Variants in BYSL observed in about 807,000 individuals in gnomAD.
BYSL encodes the protein bystin.
BYSL carries 21 observed loss-of-function variants against 45.4 expected under a neutral mutation model. That is an observed-to-expected ratio of 0.46 (90% CI 0.33 to 0.67). The LOEUF is 0.67. Among genes scored for constraint, BYSL ranks in the 30% least tolerant of loss-of-function variants. BYSL has a pLI of 0.02. For missense variants in BYSL, 522 were observed against 578.5 expected (o/e 0.90, Z 1.00); for synonymous variants, 215 against 231.3 (o/e 0.93, Z 0.64).
At chr6:41,923,937 G>A (rs1775527941) in intron 1 of BYSL, among the ~76,000 whole-genome samples, 1 of 152,108 alleles carries the variant, frequency 6.6e-6, no homozygotes, top group Admixed American at 6.6e-5. Context: ...CTCTGGGATA[G>A]TTTGTTCTCA....
intron 1 of BYSL, among the ~76,000 whole-genome samples, chr6:41,925,312 G>T (rs1775547291): frequency 6.6e-6 from 1 of 151,950 alleles, no homozygotes; most frequent in Admixed American, 6.6e-5. Flanking sequence ...CTTTCCAGAT[G>T]CCCAGACATG....
At chr6:41,911,106 C>CA in the BYSL span, among the ~76,000 whole-genome samples, 186 of 111,728 alleles carry the variant, frequency 1.7e-3, no homozygotes, top group East Asian at 3.2e-3. Context: ...GACTCCATCT[C>CA]AAAAAAAAAA....
chr6:41,919,477 G>GA (rs200692594), upstream of BYSL, among the ~76,000 whole-genome samples: 1,645 of 152,200 alleles, frequency 0.011, 19 homozygotes, highest in South Asian at 0.045. Context: ...TACTCTATCA[G>GA]AAAAAAACAC....
intron 1 of BYSL, among the ~76,000 whole-genome samples, chr6:41,925,115 A>G (rs575661567): frequency 6.6e-6 from 1 of 152,292 alleles, no homozygotes; most frequent in African/African-American, 2.4e-5. Flanking sequence ...AGCAGCTTAC[A>G]GGAGACACCT....
chr6:41,914,967 G>T, the BYSL span, among the ~76,000 whole-genome samples: 10 of 152,288 alleles, frequency 6.6e-5, no homozygotes, highest in East Asian at 1.9e-3. Context: ...AGTGCATAAG[G>T]ATTGTCTGGA....
upstream of BYSL, chr6:41,917,867 C>CT (rs1775355868): frequency 2.3e-6 from 1 of 437,496 alleles, no homozygotes; most frequent in African/African-American, 2.0e-5. Context: ...GTATTGGACA[C>CT]TGTTGTTAGA....
chr6:41,925,254 A>G (rs935880161), intron 1 of BYSL, among the ~76,000 whole-genome samples: 1 of 152,018 alleles, frequency 6.6e-6, no homozygotes, highest in African/African-American at 2.4e-5. Context: ...GTTGTTAATG[A>G]CCTATTGATA....
the BYSL span, among the ~76,000 whole-genome samples, chr6:41,910,780 T>A: frequency 2.6e-5 from 4 of 151,512 alleles, no homozygotes; most frequent in Admixed American, 1.3e-4. Context: ...GCTTCAGAGA[T>A]GTACAAGCAG....
rs1398088853 is a variant in BYSL at position 41,931,506 on chromosome 6, T to C, written c.815T>C (p.Leu272Pro). Reference protein sequence around the residue: ...VAEYKRLNFHLYMALKKALFK... With the variant: ...VAEYKRLNFHPYMALKKALFK... ...GAATACAAACGACTCAACTTCCATCTCTACATGGCTCTCAAGAAGGCCCTT... is the reference window on the plus strand; with the variant it reads ...GAATACAAACGACTCAACTTCCATCCCTACATGGCTCTCAAGAAGGCCCTT... Residue 272 changes from leucine to proline, a missense_variant, in exon 5 of 7, where the codon CTC becomes CCC. Physicochemically the swap from Leu to Pro is moderately conservative, Grantham distance 98. Transcript: ENST00000230340. The C allele has an allele frequency of 1.9e-6, 3 of 1,614,136 alleles. No homozygotes were observed. Among genetic ancestry groups the C allele is most frequent in the Non-Finnish European group, 2.5e-6 (3 of 1,180,042 alleles).
chr6:41,912,051 TTC>T, the BYSL span, among the ~76,000 whole-genome samples: 3 of 149,524 alleles, frequency 2.0e-5, no homozygotes, highest in African/African-American at 7.5e-5. Context: ...TTTCCTTTTC[TTC>T]TTTTTTTTTT....
At chr6:41,915,811 CACAT>C in the BYSL span, among the ~76,000 whole-genome samples, 1 of 152,076 alleles carries the variant, frequency 6.6e-6, no homozygotes, top group Non-Finnish European at 1.5e-5. Context: ...CATAAATACT[CACAT>C]ACAAAGAAAT....
chr6:41,917,434 A>C (rs760695939), upstream of BYSL: 3 of 191,972 alleles, frequency 1.6e-5, no homozygotes, highest in Non-Finnish European at 3.4e-5. Flanking sequence ...AGTCAAGTGC[A>C]GTAGTTAGAG....
chr6:41,914,712 C>G, the BYSL span, among the ~76,000 whole-genome samples: 3 of 151,334 alleles, frequency 2.0e-5, no homozygotes, highest in East Asian at 5.8e-4. Context: ...GAGACTCTCA[C>G]TCTAAAAAGA....
intron 6 of BYSL, 76 bp downstream of exon 6, chr6:41,931,906 C>A: frequency 7.2e-7 from 1 of 1,386,524 alleles, no homozygotes; most frequent in Non-Finnish European, 1.0e-6. Context: ...TGGGAATGGG[C>A]AGAGTGGAGA....
chr6:41,925,464 C>T (rs185211243), intron 1 of BYSL, among the ~76,000 whole-genome samples: 2,627 of 150,046 alleles, frequency 0.018, 56 homozygotes, highest in African/African-American at 0.054. Context: ...CCCGGGTTCA[C>T]ACCATTCTCC....
chr6:41,909,563 C>G, the BYSL span: 2 of 1,602,826 alleles, frequency 1.2e-6, no homozygotes, highest in Non-Finnish European at 1.7e-6. Flanking sequence ...AAGACTTTCA[C>G]TGGCAAACCC....
At chr6:41,925,890 TAGTC>T (rs975432001) in intron 1 of BYSL, among the ~76,000 whole-genome samples, 2 of 151,996 alleles carry the variant, frequency 1.3e-5, no homozygotes, top group Non-Finnish European at 1.5e-5. Context: ...TTCTCCCTGT[TAGTC>T]AGGCTGGTCT....
At chr6:41,909,256 AC>A in the BYSL span, 2 of 1,609,492 alleles carry the variant, frequency 1.2e-6, no homozygotes, top group Non-Finnish European at 1.7e-6. Context: ...TCCTATTTTC[AC>A]CAAGGTCTTA....
At chr6:41,921,060 G>C (rs946229283), upstream of BYSL, 2 of 1,607,240 alleles carry the variant, frequency 1.2e-6, no homozygotes, top group Non-Finnish European at 1.7e-6. Flanking sequence ...CAGTAGAAAC[G>C]CAGGGTTCCC....
Sources: gnomAD v4.1 joint callset for allele counts (sites outside exome capture counted in the v4.1 genomes callset) on GRCh38, gnomAD v4.1.1 for gene constraint, MANE v1.5 for transcripts, NCBI Gene and HGNC (gene_info 2026-07-23, HGNC 2026-07-21) for gene names.